STYXL2: variants seen among roughly 807,000 people sequenced by gnomAD.
STYXL2 encodes the protein serine/threonine/tyrosine-interacting-like protein 2.
A neutral mutation model predicts 52.4 loss-of-function variants in STYXL2; 44 were observed. That is an observed-to-expected ratio of 0.84 (90% CI 0.66 to 1.08). STYXL2 has a LOEUF of 1.08. Among genes scored for constraint, STYXL2 ranks in the 50% least tolerant of loss-of-function variants. The pLI is 0.00. For synonymous variants in STYXL2, 604 were observed against 586.9 expected (o/e 1.03, Z -0.42); for missense variants, 1,604 against 1,471.7 (o/e 1.09, Z -1.47).
chr1:167,125,867 A>T lies in STYXL2; in HGVS notation c.736A>T (p.Met246Leu), dbSNP rs769262136. Residue 246 changes from methionine (M) to leucine (L), a missense_variant, in exon 6 of 6, where the codon ATG becomes TTG. Physicochemically the swap from Met to Leu is conservative, Grantham distance 15 (BLOSUM62 2). Coordinates refer to ENST00000361200, the MANE Select transcript of STYXL2 (RefSeq NM_001080426.3). ...CGCCTACCTGATGATCTTCCACAACATGGCCATCCTGGAGGCTTTGATGAC... is the reference window on the plus strand; with the variant it reads ...CGCCTACCTGATGATCTTCCACAACTTGGCCATCCTGGAGGCTTTGATGAC... ...VVAYLMIFHNMAILEALMTVR... is the reference protein window; with the variant it reads ...VVAYLMIFHNLAILEALMTVR... 5.6e-6 allele frequency: 9 copies of T among 1,614,066 alleles called. No individual in the cohort carries two copies. In the South Asian group the frequency reaches 9.9e-5, roughly 18 times the overall value.
At chr1:167,095,953 A>G (rs545662878) in intron 2 of STYXL2, among the ~76,000 whole-genome samples, 63 of 152,260 alleles carry the variant, frequency 4.1e-4, no homozygotes, top group African/African-American at 1.5e-3. Flanking sequence ...CTCAGCACTC[A>G]TGGGCCAGGG....
chr1:167,114,243 G>T (rs1038569660), intron 3 of STYXL2, among the ~76,000 whole-genome samples: 5 of 152,054 alleles, frequency 3.3e-5, no homozygotes, highest in Admixed American at 2.6e-4. Context: ...GAAAGGCTTG[G>T]GTGGGGAGCA....
intron 5 of STYXL2, among the ~76,000 whole-genome samples, chr1:167,121,405 C>T (rs763639914): frequency 1.3e-5 from 2 of 152,230 alleles, no homozygotes; most frequent in Non-Finnish European, 2.9e-5. Flanking sequence ...TGTCCCACCT[C>T]GCTCGCAGGT....
chr1:167,115,307 G>A (rs189399131), intron 3 of STYXL2, among the ~76,000 whole-genome samples: 5 of 152,288 alleles, frequency 3.3e-5, no homozygotes, highest in South Asian at 2.1e-4. Flanking sequence ...AAAACCTTCC[G>A]TTTTAATGAA....
intron 5 of STYXL2, among the ~76,000 whole-genome samples, chr1:167,120,080 G>T (rs188741341): frequency 6.6e-6 from 1 of 152,190 alleles, no homozygotes; most frequent in Non-Finnish European, 1.5e-5. Context: ...AAGTTGGAGC[G>T]GCACCTTGAT....
intron 5 of STYXL2, among the ~76,000 whole-genome samples, chr1:167,119,826 C>T (rs1667813349): frequency 6.6e-6 from 1 of 152,212 alleles, no homozygotes. Flanking sequence ...GACTGACTAG[C>T]TCCTTGGAGA....
rs1174227960 is a variant in STYXL2, at chr1:167,126,628, C to A, written c.1497C>A (p.Ser499Arg). The change falls in exon 6 of 6, where the codon AGC becomes AGA. Residue 499 changes from serine (S) to arginine (R), a missense_variant. By Grantham distance (110) the Ser-to-Arg change is moderately radical. Coordinates refer to ENST00000361200, the MANE Select transcript of STYXL2 (RefSeq NM_001080426.3). ...KEASRRYHAKSKREEAADRSS... is the reference protein window; with the variant it reads ...KEASRRYHAKRKREEAADRSS... ...CTTCCCGGAGGTACCACGCCAAGAG[C>A]AAGAGAGAGGAGGCGGCAGACAGGA... 6.2e-7 allele frequency: 1 copy of A among 1,613,918 alleles called. No individual in the cohort carries two copies. Among genetic ancestry groups the A allele is most frequent in the Non-Finnish European group, 8.5e-7 (1 of 1,180,014 alleles).
At chr1:167,118,102 G>C (rs536978183) in intron 4 of STYXL2, among the ~76,000 whole-genome samples, 1 of 152,180 alleles carries the variant, frequency 6.6e-6, no homozygotes, top group African/African-American at 2.4e-5. Context: ...GTTTCTCTCT[G>C]GGAGGTGTTT....
chr1:167,125,688 A>C (rs956374038), intron 5 of STYXL2, 99 bp from the exon 6 acceptor site: 5 of 1,446,796 alleles, frequency 3.5e-6, no homozygotes, highest in Non-Finnish European at 4.5e-6. Context: ...CCTTAAGTGC[A>C]GCATATTAAA....
chr1:167,123,835 G>C (rs1343388530), intron 5 of STYXL2, among the ~76,000 whole-genome samples: 1 of 152,178 alleles, frequency 6.6e-6, no homozygotes, highest in Admixed American at 6.5e-5. Flanking sequence ...TGTTGGCCAG[G>C]CTGGTCTTGA....
chr1:167,103,087 G>A (rs1667435985), intron 2 of STYXL2, among the ~76,000 whole-genome samples: 2 of 152,102 alleles, frequency 1.3e-5, no homozygotes, highest in Admixed American at 6.5e-5. Context: ...TTGGCTACGG[G>A]CGTTTCTTGC....
At position 167,127,767 on chromosome 1, in the gene STYXL2, A is replaced by G. The variant is rs756451268; in HGVS notation, c.2636A>G (p.Asp879Gly). Residue 879 changes from aspartate (D) to glycine (G), a missense_variant, in exon 6 of 6, where the codon GAT (aspartate) becomes GGT (glycine). By Grantham distance (94) the Asp-to-Gly change is moderately conservative. Transcript: ENST00000361200. ...AAGAAGAAGGTCAAGGAAGATGAGG[A>G]TGATGGTGTGGGTGATGGGGATGAG... is the stretch of plus-strand genomic sequence containing the variant. ...FKKKKVKEDE[D>G]DGVGDGDEDT... The G allele has an allele frequency of 3.7e-6, 6 of 1,613,844 alleles. No homozygotes were observed. The African/African-American group carries it at 8.0e-5, about 22-fold the overall frequency.
intron 2 of STYXL2, among the ~76,000 whole-genome samples, chr1:167,097,954 C>T (rs570792117): frequency 4.0e-5 from 6 of 150,190 alleles, no homozygotes; most frequent in Non-Finnish European, 8.8e-5. Flanking sequence ...CTTGAGGCCC[C>T]GAGTTTCAGA....
chr1:167,124,108 C>T (rs1056128004), intron 5 of STYXL2, among the ~76,000 whole-genome samples: 8 of 151,844 alleles, frequency 5.3e-5, no homozygotes, highest in Non-Finnish European at 8.8e-5. Context: ...GACGAGGTTT[C>T]GCTATGTTGC....
intron 4 of STYXL2, 97 bp from the exon 5 acceptor site, chr1:167,119,152 T>A (rs1476340784): frequency 1.8e-6 from 2 of 1,121,220 alleles, no homozygotes; most frequent in Non-Finnish European, 1.3e-6. Flanking sequence ...CTTGCCCAGC[T>A]GTGGCCCTAG....
At chr1:167,106,299 T>C (rs2102228098) in intron 2 of STYXL2, among the ~76,000 whole-genome samples, 1 of 152,332 alleles carries the variant, frequency 6.6e-6, no homozygotes, top group East Asian at 1.9e-4. Context: ...GGGCGCCTCC[T>C]GTGTCTATTT....
chr1:167,126,184 C>G lies in STYXL2; in HGVS notation c.1053C>G (p.Tyr351Ter), dbSNP rs754343401. The G allele has an allele frequency of 8.5e-6, 13 of 1,521,990 alleles. No individual in the cohort carries two copies. The highest frequency in any genetic ancestry group is 1.1e-5 in the Non-Finnish European group (13 of 1,138,688). The allele number at this position is 1,521,990 out of a possible 1,614,324, so 94.3% of individuals were successfully genotyped here. Residue 351 changes from tyrosine (Y) to a stop codon, truncating the protein, a stop_gained, in exon 6 of 6, where the codon TAC becomes TAG. Transcript: ENST00000361200. LOFTEE classifies it low-confidence loss of function (END_TRUNC). ...ACGAGGAGGAGGAGGAGAAACTGTA[C>G]GAGCAGTGGAAGAAGGGGCAGGGCC... ...LIDEEEEEKL[Y>*]EQWKKGQGLL...
Position 167,127,776 on chromosome 1 carries a change from T to G in STYXL2, c.2645T>G (p.Val882Gly), listed in dbSNP as rs1488387644. The G allele has an allele frequency of 3.7e-6, 6 of 1,613,616 alleles. No individual in the cohort carries two copies. Among genetic ancestry groups the G allele is most frequent in the Non-Finnish European group, 5.1e-6 (6 of 1,179,966 alleles). Residue 882 changes from valine (V) to glycine (G), a missense_variant, in exon 6 of 6, where the codon GTG (valine) becomes GGG (glycine). By Grantham distance (109) the Val-to-Gly change is moderately radical (BLOSUM62 -3). Coordinates refer to ENST00000361200, the MANE Select transcript of STYXL2 (RefSeq NM_001080426.3). The part of the protein sequence containing the change: ...KKVKEDEDDG[V>G]GDGDEDTDSA... Reference sequence around the variant, plus strand: ...GTCAAGGAAGATGAGGATGATGGTGTGGGTGATGGGGATGAGGACACTGAC... The same window carrying G: ...GTCAAGGAAGATGAGGATGATGGTGGGGGTGATGGGGATGAGGACACTGAC...
rs1571342370 is a variant in STYXL2 at position 167,117,325 on chromosome 1, T to C, written c.206-3T>C. ...TGATGAGAATGCTGCCTGTCTCCTC[T>C]AGAACTCAAGCCACCGGGGGTCAGA... On this transcript the variant is annotated splice_region_variant and splice_polypyrimidine_tract_variant and intron_variant, in intron 3 of 5. Transcript: ENST00000361200. 1 of 1,602,760 alleles carries C rather than the reference T, an allele frequency of 6.2e-7. No homozygotes were observed. The highest frequency in any genetic ancestry group is 2.3e-5 in the East Asian group (1 of 44,280).
Sources: allele counts gnomAD v4.1 joint callset (sites outside exome capture counted in the v4.1 genomes callset), GRCh38; gene constraint gnomAD v4.1.1; transcripts MANE v1.5; gene names NCBI Gene and HGNC (gene_info 2026-07-23, HGNC 2026-07-21).